Variants in PLSCR2 observed in about 807,000 individuals in gnomAD.
The protein encoded by PLSCR2 is PL scramblase 2.
PLSCR2 carries 18 observed loss-of-function variants against 25.3 expected under a neutral mutation model. The ratio of observed to expected loss-of-function variants is 0.71; its 90% confidence interval spans 0.49 to 1.06. PLSCR2 has a LOEUF of 1.06. Ranked by LOEUF, PLSCR2 falls within the 50% of genes least tolerant of loss-of-function variation. The pLI is 0.00. For missense variants in PLSCR2, 243 were observed against 269.5 expected (o/e 0.90, Z 0.69); for synonymous variants, 88 against 87.3 (o/e 1.01, Z -0.04).
At chr3:146,400,093 A>G (rs2038413959) in intron 2 of PLSCR2, among the ~76,000 whole-genome samples, 1 of 151,852 alleles carries the variant, frequency 6.6e-6, no homozygotes, top group South Asian at 2.1e-4. Flanking sequence ...TGACAAGAAC[A>G]AAATGTTTCT....
At chr3:146,494,118 T>C (rs985512004) in intron 1 of PLSCR2, among the ~76,000 whole-genome samples, 7 of 152,100 alleles carry the variant, frequency 4.6e-5, no homozygotes, top group Non-Finnish European at 8.8e-5. Flanking sequence ...ATTGAGGTCA[T>C]TGGTTAATGT....
At chr3:146,482,931 T>C (rs772881425) in intron 1 of PLSCR2, among the ~76,000 whole-genome samples, 1 of 152,064 alleles carries the variant, frequency 6.6e-6, no homozygotes, top group Admixed American at 6.6e-5. Flanking sequence ...TGCAGGGATA[T>C]GGATGAAGCT....
exon 1 of PLSCR2, chr3:146,460,333 G>T: frequency 5.8e-6 from 3 of 514,624 alleles, no homozygotes; most frequent in Non-Finnish European, 8.3e-6. Context: ...GTAAAACTCA[G>T]ATAGAAAATA....
intron 1 of PLSCR2, among the ~76,000 whole-genome samples, chr3:146,470,631 T>A (rs2108494313): frequency 6.6e-6 from 1 of 152,154 alleles, no homozygotes; most frequent in Admixed American, 6.5e-5. Flanking sequence ...CCATTCCCGG[T>A]GCTGTTCTCC....
At chr3:146,442,169 G>A (rs2040282018) in intron 6 of PLSCR2, among the ~76,000 whole-genome samples, 1 of 151,690 alleles carries the variant, frequency 6.6e-6, no homozygotes, top group South Asian at 2.1e-4. Context: ...AACTCTTCTT[G>A]TAATTTGAAT....
chr3:146,488,076 G>T (rs2043410947), intron 1 of PLSCR2, among the ~76,000 whole-genome samples: 1 of 151,950 alleles, frequency 6.6e-6, no homozygotes, highest in Non-Finnish European at 1.5e-5. Flanking sequence ...AATGGGGAAA[G>T]GAAAATTATT....
intron 8 of PLSCR2, among the ~76,000 whole-genome samples, chr3:146,434,860 G>A (rs1455157285): frequency 6.6e-6 from 1 of 151,932 alleles, no homozygotes; most frequent in African/African-American, 2.4e-5. Context: ...CCATGTTGGT[G>A]TGCTGCACCC....
chr3:146,424,072 G>A (rs1170375264), intron 2 of PLSCR2, among the ~76,000 whole-genome samples: 2 of 151,404 alleles, frequency 1.3e-5, no homozygotes, highest in Admixed American at 6.6e-5. Context: ...ACCATGGCAC[G>A]TGTATACCTA....
At chr3:146,423,282 T>TCTCC (rs758576585) in intron 2 of PLSCR2, among the ~76,000 whole-genome samples, 6,688 of 100,828 alleles carry the variant, frequency 0.066, 1,279 homozygotes, top group South Asian at 0.16. Flanking sequence ...TCTCTCTCTC[T>TCTCC]CCCTGGCTAG....
chr3:146,493,674 C>A (rs1425923892), intron 1 of PLSCR2, among the ~76,000 whole-genome samples: 1 of 151,542 alleles, frequency 6.6e-6, no homozygotes, highest in Admixed American at 6.6e-5. Context: ...AAAAGGTAAG[C>A]ATGTGTTTTC....
upstream of PLSCR2, among the ~76,000 whole-genome samples, chr3:146,463,228 G>A (rs1196670526): frequency 2.0e-5 from 3 of 152,102 alleles, no homozygotes; most frequent in East Asian, 5.8e-4. Flanking sequence ...CTCTGTCGGA[G>A]TGCAGTGGCG....
intron 2 of PLSCR2, among the ~76,000 whole-genome samples, chr3:146,403,530 T>C (rs1387616759): frequency 6.6e-6 from 1 of 152,188 alleles, no homozygotes; most frequent in Admixed American, 6.5e-5. Flanking sequence ...TATTCAAGGA[T>C]GTTTAGATTC....
intron 2 of PLSCR2, among the ~76,000 whole-genome samples, chr3:146,423,497 C>G (rs1346353994): frequency 2.0e-5 from 3 of 151,952 alleles, no homozygotes; most frequent in Non-Finnish European, 2.9e-5. Context: ...ATAAAGTAGT[C>G]ATTCATTTGG....
chr3:146,458,288 C>T (rs12494007), intron 3 of PLSCR2, 123 bp downstream of exon 3: 396,826 of 751,400 alleles, frequency 0.53, 107,607 homozygotes, highest in South Asian at 0.69. Flanking sequence ...GACAGACATT[C>T]GTAAATAGTC....
At chr3:146,431,200 ATACTC>A (rs142350065), downstream of PLSCR2, among the ~76,000 whole-genome samples, 11,990 of 151,402 alleles carry the variant, frequency 0.079, 591 homozygotes, top group African/African-American at 0.13. Flanking sequence ...AGTAGAGACA[ATACTC>A]TAAGCAGTTT....
At chr3:146,432,857 T>C (rs77764959), downstream of PLSCR2, among the ~76,000 whole-genome samples, 310 of 152,312 alleles carry the variant, frequency 2.0e-3, 1 homozygote, top group African/African-American at 7.0e-3. Context: ...AGTATGTCAT[T>C]TTCATTCATT....
intron 5 of PLSCR2, among the ~76,000 whole-genome samples, chr3:146,450,959 TA>T (rs1025704434): frequency 3.2e-4 from 48 of 151,770 alleles, no homozygotes; most frequent in African/African-American, 8.9e-4. Flanking sequence ...ATAATTTTTA[TA>T]AAAAAAATTT....
chr3:146,392,236 C>G (rs746634274), intron 3 of PLSCR2, among the ~76,000 whole-genome samples: 2 of 152,030 alleles, frequency 1.3e-5, no homozygotes, highest in Non-Finnish European at 2.9e-5. Context: ...TTGTCTGCAT[C>G]TGAAAGAATA....
At chr3:146,392,097 C>G (rs2038101474) in intron 3 of PLSCR2, among the ~76,000 whole-genome samples, 1 of 151,942 alleles carries the variant, frequency 6.6e-6, no homozygotes, top group Admixed American at 6.6e-5. Flanking sequence ...TTACTCTAGT[C>G]TAGAGATGTC....
Sources: allele counts gnomAD v4.1 joint callset (sites outside exome capture counted in the v4.1 genomes callset), GRCh38; gene constraint gnomAD v4.1.1; transcripts MANE v1.5; gene names NCBI Gene and HGNC (gene_info 2026-07-23, HGNC 2026-07-21).